Variants in ZNF536 observed in about 807,000 individuals in gnomAD.
ZNF536 encodes the protein zinc finger protein 536.
In ZNF536, 13 loss-of-function variants were observed where a neutral mutation model predicts 84.5. The observed-to-expected ratio is 0.15, with a 90% CI of 0.10 to 0.24. The LOEUF is 0.24. Ranked by LOEUF, ZNF536 falls within the 10% of genes least tolerant of loss-of-function variation. ZNF536 has a pLI of 1.00. For synonymous variants in ZNF536, 811 were observed against 742.5 expected (o/e 1.09, Z -1.50); for missense variants, 1,536 against 1,747.5 (o/e 0.88, Z 2.16).
intron 1 of ZNF536, among the ~76,000 whole-genome samples, chr19:30,437,515 T>C (rs1292454662): frequency 6.6e-6 from 1 of 152,128 alleles, no homozygotes; most frequent in East Asian, 1.9e-4. Flanking sequence ...GAAGAAAACC[T>C]GTAATGTTTG....
At chr19:30,535,881 C>T (rs756389845) in intron 3 of ZNF536, among the ~76,000 whole-genome samples, 1 of 152,226 alleles carries the variant, frequency 6.6e-6, no homozygotes, top group Middle Eastern at 3.4e-3. Flanking sequence ...ATCAATAAGG[C>T]TCTGGGTTGC....
intron 2 of ZNF536, among the ~76,000 whole-genome samples, chr19:30,457,335 T>C (rs33442): frequency 0.64 from 96,756 of 152,190 alleles, 31,333 homozygotes; most frequent in Non-Finnish European, 0.69. Flanking sequence ...AAGTCTCTTT[T>C]AGCCACTGTG....
intron 1 of ZNF536, among the ~76,000 whole-genome samples, chr19:30,272,668 T>C (rs748523000): frequency 3.9e-5 from 6 of 152,208 alleles, no homozygotes; most frequent in Non-Finnish European, 8.8e-5. Flanking sequence ...TCGTATGACA[T>C]GTAGTCTTTT....
Position 30,676,620 on chromosome 19 carries a change from A to G in ZNF536, c.170-34137A>G, listed in dbSNP as rs142892500. ...TTTAACATTTGTGACTGGTTTATAG[A>G]TTATGATATAGGATGGTGTTTGCAT... is the stretch of plus-strand genomic sequence containing the variant. On this transcript the variant is annotated intron_variant, in intron 1 of 1. Transcript: ENST00000592773. Among the ~76,000 whole-genome samples the G allele has an allele frequency of 3.9e-5, 6 of 152,364 alleles. No individual in the cohort carries two copies. The East Asian group carries it at 9.6e-4, about 24-fold the overall frequency.
chr19:30,679,070 T>C (rs1462424167), intron 1 of ZNF536, among the ~76,000 whole-genome samples: 5 of 151,902 alleles, frequency 3.3e-5, no homozygotes, highest in South Asian at 2.1e-4. Flanking sequence ...ATTCTCTCAG[T>C]GGCAACAGGT....
At position 30,228,544 on chromosome 19, in the gene ZNF536, C is replaced by G. The variant is rs922214328; in HGVS notation, c.-319C>G. 1.3e-5 allele frequency: 2 copies of G among 152,086 alleles called. No homozygotes were observed. The highest frequency in any genetic ancestry group is 2.4e-5 in the African/African-American group (1 of 41,418). The allele number at this position is 152,086 out of a possible 1,614,324, so 9.4% of individuals were successfully genotyped here. On this transcript the variant is annotated 5_prime_UTR_variant, in exon 1 of 6. Transcript: ENST00000585628. This position sits in a 1 kb window ranked among gnomAD's most constrained non-coding sequence, Gnocchi z 4.5. The stretch of plus-strand genomic sequence containing the variant: ...TACAGTAGCGGCGTCAGATCCATCC[C>G]GCGCCTCCCAGTCCGGAGTCCATTT...
intron 2 of ZNF536, among the ~76,000 whole-genome samples, chr19:30,480,379 T>A (rs2054025851): frequency 6.6e-6 from 1 of 152,224 alleles, no homozygotes; most frequent in Non-Finnish European, 1.5e-5. Context: ...TCTCAGTCTG[T>A]TTGTTTTGCT....
In ZNF536 at chr19:30,357,189, G is replaced by A. The variant is rs761343222; in HGVS notation, c.-3+4705G>A. On this transcript the variant is annotated intron_variant, in intron 3 of 5. Coordinates refer to the ZNF536 transcript ENST00000585628. Reference sequence around the variant, plus strand: ...AGGGGTAGTATCTGTACTTGAGAGAGGGTAGGTGGTCAGGGGAGGCCCCCC... The same window carrying A: ...AGGGGTAGTATCTGTACTTGAGAGAAGGTAGGTGGTCAGGGGAGGCCCCCC... 2.0e-5 allele frequency among the ~76,000 whole-genome samples: 3 copies of A among 152,254 alleles called. No individual in the cohort carries two copies. In the South Asian group the frequency reaches 6.2e-4, roughly 31 times the overall value.
chr19:30,296,154 G>C (rs1214556208), intron 2 of ZNF536: 1 of 152,218 alleles, frequency 6.6e-6, no homozygotes, highest in Non-Finnish European at 1.5e-5. Flanking sequence ...TCCCATTTCA[G>C]AGATGAGTAT....
chr19:30,628,786 C>T (rs957926732), intron 1 of ZNF536, among the ~76,000 whole-genome samples: 1 of 152,052 alleles, frequency 6.6e-6, no homozygotes, highest in Admixed American at 6.5e-5. Flanking sequence ...GCAACCTCCA[C>T]CTCCTGGGTC....
chr19:30,457,882 C>A (rs1051551243), intron 2 of ZNF536, among the ~76,000 whole-genome samples: 1 of 152,198 alleles, frequency 6.6e-6, no homozygotes, highest in East Asian at 1.9e-4. Flanking sequence ...TATGTCAGAA[C>A]GTCCATCTGC....
In ZNF536 at chr19:30,551,632, G is replaced by C. The variant is rs1462311491; in HGVS notation, c.3895+2118G>C. On this transcript the variant is annotated intron_variant, in intron 4 of 4. Transcript: ENST00000355537. Reference sequence around the variant, plus strand: ...TGTCAGCCAAGCTTGAAGGCTTCCTGGTTGCTTCTGCAGCAGAGGGTTCAG... The same window carrying C: ...TGTCAGCCAAGCTTGAAGGCTTCCTCGTTGCTTCTGCAGCAGAGGGTTCAG... 2.6e-5 allele frequency among the ~76,000 whole-genome samples: 4 copies of C among 152,184 alleles called. No homozygotes were observed. In the East Asian group the frequency reaches 7.7e-4, roughly 29 times the overall value.
chr19:30,406,593 T>C (rs914063221), intron 1 of ZNF536, among the ~76,000 whole-genome samples: 7 of 152,190 alleles, frequency 4.6e-5, no homozygotes, highest in African/African-American at 1.7e-4. Flanking sequence ...CTAGCAGTGA[T>C]TGGGGTCATC....
At chr19:30,576,059 T>A (rs1392023732) in intron 1 of ZNF536, among the ~76,000 whole-genome samples, 2 of 152,240 alleles carry the variant, frequency 1.3e-5, no homozygotes, top group Admixed American at 1.3e-4. Flanking sequence ...ATTGGAATTC[T>A]TAATGATGTT....
rs528528667 is a variant in ZNF536 at position 30,286,180 on chromosome 19, A to T, written c.-120+2039A>T. 1.4e-4 allele frequency among the ~76,000 whole-genome samples: 21 copies of T among 152,138 alleles called. No homozygotes were observed. The South Asian group carries it at 3.9e-3, about 29-fold the overall frequency. ...TCACGCTCATGATTGATAACATTCCACCTTTTCAAAGGGCTTTAAAATCTG... is the reference window on the plus strand; with the variant it reads ...TCACGCTCATGATTGATAACATTCCTCCTTTTCAAAGGGCTTTAAAATCTG... On this transcript the variant is annotated intron_variant, in intron 2 of 5. Coordinates refer to the ZNF536 transcript ENST00000585628.
At chr19:30,360,084 T>C (rs888535454) in intron 3 of ZNF536, among the ~76,000 whole-genome samples, 1 of 152,180 alleles carries the variant, frequency 6.6e-6, no homozygotes, top group Non-Finnish European at 1.5e-5. Flanking sequence ...GGCAAGCAGG[T>C]GGCCCAGCAT....
chr19:30,273,828 A>C (rs1003252221), intron 1 of ZNF536, among the ~76,000 whole-genome samples: 1 of 152,246 alleles, frequency 6.6e-6, no homozygotes, highest in Non-Finnish European at 1.5e-5. Flanking sequence ...GGAGTCAAAG[A>C]TACACATGAT....
intron 4 of ZNF536, among the ~76,000 whole-genome samples, chr19:30,552,286 A>G (rs896991400): frequency 6.6e-6 from 1 of 152,238 alleles, no homozygotes; most frequent in Non-Finnish European, 1.5e-5. Context: ...AGACCAAAGC[A>G]TCATTCCTAG....
intron 2 of ZNF536, among the ~76,000 whole-genome samples, chr19:30,524,938 T>C (rs1317062989): frequency 6.6e-6 from 1 of 152,198 alleles, no homozygotes; most frequent in Non-Finnish European, 1.5e-5. Flanking sequence ...ATAATTATTA[T>C]AGTAATTGGA....
Sources: allele counts gnomAD v4.1 joint callset (sites outside exome capture counted in the v4.1 genomes callset), GRCh38; gene constraint gnomAD v4.1.1; non-coding constraint Gnocchi (gnomAD v3.1); transcripts MANE v1.5; gene names NCBI Gene and HGNC (gene_info 2026-07-23, HGNC 2026-07-21).